CNTN4: variants seen among roughly 807,000 people sequenced by gnomAD.
CNTN4 encodes contactin 4.
CNTN4 carries 77 observed loss-of-function variants against 122.5 expected under a neutral mutation model. The observed-to-expected ratio is 0.63, with a 90% CI of 0.52 to 0.76. CNTN4 has a LOEUF of 0.76. Ranked by LOEUF, CNTN4 falls within the 30% of genes least tolerant of loss-of-function variation. The pLI is 0.00. For synonymous variants in CNTN4, 512 were observed against 447.0 expected, an observed-to-expected ratio of 1.15 and a Z score of -1.83; for missense variants, 1,256 against 1,259.1, an observed-to-expected ratio of 1.00 and a Z score of 0.04.
chr3:2,999,337 T>G (rs1318197532), intron 14 of CNTN4, among the ~76,000 whole-genome samples: 1 of 152,222 alleles, frequency 6.6e-6, no homozygotes. Flanking sequence ...GTGGGGAAGA[T>G]AGAAGAATCT....
intron 2 of CNTN4, among the ~76,000 whole-genome samples, chr3:2,136,966 C>T (rs1403263058): frequency 2.0e-5 from 3 of 152,130 alleles, no homozygotes; most frequent in African/African-American, 7.2e-5. Context: ...CAACCCCTCC[C>T]CCCGAAGAAA....
intron 2 of CNTN4, among the ~76,000 whole-genome samples, chr3:2,194,149 A>G (rs929762914): frequency 3.3e-5 from 5 of 152,160 alleles, no homozygotes; most frequent in Non-Finnish European, 7.4e-5. Flanking sequence ...TTCAGGGAAA[A>G]TAATTATATG....
intron 7 of CNTN4, among the ~76,000 whole-genome samples, chr3:2,828,162 GAA>G (rs1398233339): frequency 1.3e-5 from 2 of 151,844 alleles, no homozygotes; most frequent in East Asian, 3.9e-4. Flanking sequence ...TATAATGAGA[GAA>G]GTGCCCAAAT....
At chr3:2,652,853 ATCTTT>A (rs879713309) in intron 4 of CNTN4, among the ~76,000 whole-genome samples, 1 of 152,034 alleles carries the variant, frequency 6.6e-6, no homozygotes, top group Non-Finnish European at 1.5e-5. Context: ...ATACTTATGG[ATCTTT>A]TCTTTTGGAA....
chr3:2,291,019 A>G (rs1017780242), intron 2 of CNTN4, among the ~76,000 whole-genome samples: 1 of 152,202 alleles, frequency 6.6e-6, no homozygotes, highest in African/African-American at 2.4e-5. Context: ...AACTATATAT[A>G]TTGAGTGTCT....
At position 2,273,265 on chromosome 3, in the gene CNTN4, T is replaced by C. The variant is rs527750894; in HGVS notation, c.-144-65913T>C. ...GATGGTTTTTCTGTTGTGGTCTTAG[T>C]TGTCATTTTATAGTTGACCCCACGT... On this transcript the variant is annotated intron_variant, in intron 2 of 24. Transcript: ENST00000418658. Among the ~76,000 whole-genome samples, 3 of 152,356 alleles carry C rather than the reference T, an allele frequency of 2.0e-5. No homozygotes were observed. In the South Asian group the frequency reaches 6.2e-4, roughly 32 times the overall value.
chr3:3,019,875 G>A (rs1698138283), intron 14 of CNTN4, among the ~76,000 whole-genome samples: 1 of 149,754 alleles, frequency 6.7e-6, no homozygotes, highest in African/African-American at 2.5e-5. Context: ...AGCAAATACA[G>A]TAAAATATTA....
At chr3:2,262,366 A>C (rs2040866878) in intron 2 of CNTN4, 1 of 152,100 alleles carries the variant, frequency 6.6e-6, no homozygotes. Flanking sequence ...CTGATGAAAC[A>C]CTGCCAGAGC....
chr3:2,182,271 A>G (rs988914946), intron 2 of CNTN4, among the ~76,000 whole-genome samples: 1 of 152,008 alleles, frequency 6.6e-6, no homozygotes, highest in South Asian at 2.1e-4. Context: ...CTTTTTACAC[A>G]CACACACATA....
At chr3:2,472,063 A>G (rs1377478393) in intron 3 of CNTN4, among the ~76,000 whole-genome samples, 2 of 151,944 alleles carry the variant, frequency 1.3e-5, no homozygotes, top group Non-Finnish European at 2.9e-5. Context: ...TAAAAATACA[A>G]AATTAGCCGG....
chr3:2,798,162 T>A (rs2092249518), intron 6 of CNTN4, among the ~76,000 whole-genome samples: 1 of 150,474 alleles, frequency 6.6e-6, no homozygotes, highest in Non-Finnish European at 1.5e-5. Flanking sequence ...TGAGAACATG[T>A]GGTATTTGAC....
intron 4 of CNTN4, among the ~76,000 whole-genome samples, chr3:2,705,095 A>G (rs2086577768): frequency 6.6e-6 from 1 of 151,828 alleles, no homozygotes; most frequent in Non-Finnish European, 1.5e-5. Context: ...GGCATGGTAC[A>G]GAGAGCTGCA....
At chr3:2,393,961 G>A (rs1381553507) in intron 3 of CNTN4, among the ~76,000 whole-genome samples, 3 of 151,864 alleles carry the variant, frequency 2.0e-5, no homozygotes, top group African/African-American at 4.8e-5. Context: ...TATTAGTTGG[G>A]TGCAAAAGTA....
At chr3:3,004,293 G>T (rs1032719640) in intron 14 of CNTN4, among the ~76,000 whole-genome samples, 1 of 152,080 alleles carries the variant, frequency 6.6e-6, no homozygotes, top group Non-Finnish European at 1.5e-5. Flanking sequence ...AGTTACTTTG[G>T]TGTTTTTCCT....
At chr3:2,950,112 C>G (rs187242149) in intron 13 of CNTN4, among the ~76,000 whole-genome samples, 2 of 152,188 alleles carry the variant, frequency 1.3e-5, no homozygotes, top group Non-Finnish European at 2.9e-5. Flanking sequence ...ATGGAGTTGT[C>G]GAACATGTGG....
Position 2,950,925 on chromosome 3 carries a change from AC to A in CNTN4, c.1358+25147del, listed in dbSNP as rs200459214. ...TCTTGATCATTGTCATATCTTATGC[AC>A]TTAGCATAGTACTTGACACATAATG... On this transcript the variant is annotated intron_variant, in intron 13 of 24. Transcript: ENST00000418658. 3.1e-3 allele frequency among the ~76,000 whole-genome samples: 469 copies of A among 152,354 alleles called. 11 individuals carry two copies. The East Asian group carries it at 0.069, about 22-fold the overall frequency.
In CNTN4 at chr3:2,745,565, C is replaced by T. The variant is rs1195160321; in HGVS notation, c.226C>T (p.Arg76Cys). The T allele has an allele frequency of 6.2e-6, 10 of 1,614,016 alleles. No homozygotes were observed. Among genetic ancestry groups the T allele is most frequent in the Middle Eastern group, 1.6e-4 (1 of 6,062 alleles). Reference sequence around the variant, plus strand: ...AGATGTTGACACTGGTATGGATTTCCGCTACAGTGTTGTTGAAGGGAGCTT... The same window carrying T: ...AGATGTTGACACTGGTATGGATTTCTGCTACAGTGTTGTTGAAGGGAGCTT... ...GTDVDTGMDF[R>C]YSVVEGSLLI... The change falls in exon 6 of 25, where the codon CGC (arginine) becomes TGC (cysteine). Residue 76 changes from arginine (R) to cysteine (C), a missense_variant. By Grantham distance (180) the Arg-to-Cys change is radical. Transcript: ENST00000418658.
chr3:2,681,854 C>T (rs2085183201), intron 4 of CNTN4, among the ~76,000 whole-genome samples: 1 of 151,938 alleles, frequency 6.6e-6, no homozygotes, highest in African/African-American at 2.4e-5. Flanking sequence ...TGCTTAATTA[C>T]TAGATTGGTC....
At chr3:3,016,772 G>A (rs1427636411) in intron 14 of CNTN4, among the ~76,000 whole-genome samples, 1 of 152,096 alleles carries the variant, frequency 6.6e-6, no homozygotes, top group African/African-American at 2.4e-5. Flanking sequence ...ATTGGCTTGT[G>A]CATAGTAGTT....
Sources: allele counts gnomAD v4.1 joint callset (sites outside exome capture counted in the v4.1 genomes callset), GRCh38; gene constraint gnomAD v4.1.1; transcripts MANE v1.5; gene names NCBI Gene and HGNC (gene_info 2026-07-23, HGNC 2026-07-21).